FHIP2A: variants seen among roughly 807,000 people sequenced by gnomAD.
FHIP2A encodes FHF complex subunit HOOK interacting protein 2A, also known as family with sequence similarity 160 member B1.
Under a neutral mutation model 93.5 loss-of-function variants are expected in FHIP2A, and 46 were observed. The observed-to-expected ratio is 0.49, with a 90% CI of 0.39 to 0.63. The LOEUF is 0.63. FHIP2A is among the 20% of genes least tolerant of loss of function. The pLI is 0.00. For synonymous variants in FHIP2A, 332 were observed against 326.5 expected (o/e 1.02, Z -0.18); for missense variants, 769 against 909.7 (o/e 0.85, Z 1.99).
At chr10:114,828,857 T>C (rs2143009695) in intron 1 of FHIP2A, among the ~76,000 whole-genome samples, 1 of 152,340 alleles carries the variant, frequency 6.6e-6, no homozygotes, top group Non-Finnish European at 1.5e-5. Context: ...CAGTACGATT[T>C]ACAGTGGAAG....
At position 114,843,179 on chromosome 10, in the gene FHIP2A, C is replaced by G. The variant is rs551638325; in HGVS notation, c.769C>G (p.Gln257Glu). Residue 257 changes from glutamine to glutamate, a missense_variant, in exon 6 of 17, where the codon CAG (glutamine) becomes GAG (glutamate). Transcript: ENST00000369248. ...AGAGGCCTCGGTTGTTTGTCCAAATCAGGATTACAATTTAGTGAATTCTTT... is the reference window on the plus strand; with the variant it reads ...AGAGGCCTCGGTTGTTTGTCCAAATGAGGATTACAATTTAGTGAATTCTTT... ...LPEASVVCPN[Q>E]DYNLVNSLLN... 5.0e-6 allele frequency: 8 copies of G among 1,613,994 alleles called. No homozygotes were observed. The South Asian group carries it at 8.8e-5, about 18-fold the overall frequency.
At chr10:114,824,327 G>A (rs866820122) in intron 1 of FHIP2A, among the ~76,000 whole-genome samples, 2 of 152,010 alleles carry the variant, frequency 1.3e-5, no homozygotes, top group South Asian at 2.1e-4. Flanking sequence ...TCTTGTCCTC[G>A]TTATCTTTTT....
rs1279492862 is a variant in FHIP2A at position 114,845,252 on chromosome 10, G to A, written c.1014-115G>A. The A allele has an allele frequency of 2.0e-5, 11 of 557,422 alleles. No individual in the cohort carries two copies. In the South Asian group the frequency reaches 3.3e-4, roughly 17 times the overall value. 34.5% of individuals were successfully genotyped at this position (557,422 alleles called of 1,614,324 possible). On this transcript the variant is annotated intron_variant, in intron 7 of 16. Transcript: ENST00000369248. ...CTCACTGTCCTCCAGCATTTCCTGTGTGAATGTACCATACTATCTGAGTGT... is the reference window on the plus strand; with the variant it reads ...CTCACTGTCCTCCAGCATTTCCTGTATGAATGTACCATACTATCTGAGTGT...
intron 1 of FHIP2A, among the ~76,000 whole-genome samples, chr10:114,824,132 AC>A (rs2083559738): frequency 6.6e-6 from 1 of 152,198 alleles, no homozygotes; most frequent in African/African-American, 2.4e-5. Context: ...TATAACAGGG[AC>A]TTGAACATCC....
chr10:114,835,639 C>G lies in FHIP2A; in HGVS notation c.397C>G (p.Gln133Glu). ...ACACATTAACGTGCACAGGCCAGTG[C>G]AGGTATTTTGTTCCCCCTACATAAA... ...LPHINVHRPV[Q>E]KLIRLCGEVL... The change falls in exon 4 of 17, where the codon CAG becomes GAG. Residue 133 changes from glutamine (Q) to glutamate (E), a missense_variant and splice_region_variant. Transcript: ENST00000369248. 1 of 1,549,210 alleles carries G rather than the reference C, an allele frequency of 6.5e-7. No individual in the cohort carries two copies. The highest frequency in any genetic ancestry group is 1.2e-5 in the South Asian group (1 of 81,200).
rs1486957084 is a variant in FHIP2A at position 114,864,255 on chromosome 10, C to T, written c.*2715C>T. 1.0e-6 allele frequency: 1 copy of T among 981,452 alleles called. No homozygotes were observed. Among genetic ancestry groups the T allele is most frequent in the Non-Finnish European group, 1.2e-6 (1 of 826,078 alleles). 60.8% of individuals were successfully genotyped at this position (981,452 alleles called of 1,614,324 possible). On this transcript the variant is annotated 3_prime_UTR_variant, in exon 17 of 17. Coordinates refer to ENST00000369248, the MANE Select transcript of FHIP2A (RefSeq NM_020940.4). ...ATGGTAATGTTTTCATAAATTATTG[C>T]ATTAACATACAATTGCCATTTAATT...
chr10:114,830,950 T>C lies in FHIP2A; in HGVS notation c.124+20T>C, dbSNP rs1293534002. 4 of 1,427,462 alleles carry C rather than the reference T, an allele frequency of 2.8e-6. No individual in the cohort carries two copies. Among genetic ancestry groups the C allele is most frequent in the Non-Finnish European group, 3.8e-6 (4 of 1,054,828 alleles). 88.4% of individuals were successfully genotyped at this position (1,427,462 alleles called of 1,614,324 possible). On this transcript the variant is annotated intron_variant, in intron 2 of 16. Coordinates refer to ENST00000369248, the MANE Select transcript of FHIP2A (RefSeq NM_020940.4). ...CTTCAGGTAAGGAACAATGCTGATA[T>C]TAACTGAAAATTTGTGAAAGTTAAA... is the stretch of plus-strand genomic sequence containing the variant.
chr10:114,847,322 T>C (rs1180687011), intron 12 of FHIP2A, 89 bp downstream of exon 12: 1 of 1,241,784 alleles, frequency 8.1e-7, no homozygotes, highest in African/African-American at 1.5e-5. Context: ...GGAGTCTTGC[T>C]CTGTTGCCCA....
At chr10:114,891,474 T>A (rs2083973508) in intron 16 of FHIP2A, among the ~76,000 whole-genome samples, 1 of 150,818 alleles carries the variant, frequency 6.6e-6, no homozygotes, top group Non-Finnish European at 1.5e-5. Context: ...TTTAAAACAC[T>A]AAATCAAATT....
At chr10:114,870,818 A>G (rs1054033233) in intron 16 of FHIP2A, among the ~76,000 whole-genome samples, 3 of 152,144 alleles carry the variant, frequency 2.0e-5, no homozygotes, top group Admixed American at 6.5e-5. Flanking sequence ...CCACTCCTCT[A>G]TGTACTGCTT....
chr10:114,826,851 A>G (rs1416170276), intron 1 of FHIP2A, among the ~76,000 whole-genome samples: 1 of 152,208 alleles, frequency 6.6e-6, no homozygotes, highest in Non-Finnish European at 1.5e-5. Flanking sequence ...AAAATTAGCC[A>G]GATGCGGTAG....
chr10:114,861,505 G>T lies in FHIP2A; in HGVS notation c.2263G>T (p.Ala755Ser), dbSNP rs138422469. Residue 755 changes from alanine to serine, a missense_variant, in exon 17 of 17, where the codon GCA (alanine) becomes TCA (serine). Ala to Ser is a moderately conservative substitution (Grantham distance 99). Transcript: ENST00000369248. ...GTTCTGTAAGGAGCTGGCGGCAATC[G>T]CATTTGTAAAATATCATGCTTCCTC... is the stretch of plus-strand genomic sequence containing the variant. Reference protein sequence around the residue: ...EEFCKELAAIAFVKYHASSTP With the variant: ...EEFCKELAAISFVKYHASSTP The T allele has an allele frequency of 4.1e-5, 66 of 1,613,762 alleles. No homozygotes were observed. Among genetic ancestry groups the T allele is most frequent in the Non-Finnish European group, 5.5e-5 (65 of 1,179,986 alleles).
At chr10:114,885,237 A>G (rs1339755070) in intron 16 of FHIP2A, among the ~76,000 whole-genome samples, 1 of 152,034 alleles carries the variant, frequency 6.6e-6, no homozygotes, top group Non-Finnish European at 1.5e-5. Flanking sequence ...TCTACTAAAA[A>G]TACAAAAATT....
chr10:114,893,268 A>T (rs1200211784), intron 16 of FHIP2A, among the ~76,000 whole-genome samples: 4 of 152,222 alleles, frequency 2.6e-5, no homozygotes, highest in Non-Finnish European at 4.4e-5. Flanking sequence ...AGAATTTTTT[A>T]AAATCGCATA....
intron 16 of FHIP2A, among the ~76,000 whole-genome samples, chr10:114,891,412 A>T (rs929325700): frequency 5.3e-5 from 8 of 151,826 alleles, no homozygotes; most frequent in Non-Finnish European, 1.2e-4. Context: ...ATAGTATTAT[A>T]TACAGTATAT....
At chr10:114,843,694 A>T in intron 6 of FHIP2A, 47 bp from the exon 7 acceptor site, 2 of 1,317,170 alleles carry the variant, frequency 1.5e-6, no homozygotes, top group Non-Finnish European at 2.0e-6. Context: ...AAACAACCTG[A>T]TGTATATACA....
At chr10:114,852,320 T>C (rs1378596787) in intron 13 of FHIP2A, among the ~76,000 whole-genome samples, 4 of 152,188 alleles carry the variant, frequency 2.6e-5, no homozygotes, top group Admixed American at 2.6e-4. Context: ...TCCCCAAAGC[T>C]CTAGCCTCAG....
chr10:114,863,673 T>C lies in FHIP2A; in HGVS notation c.*2133T>C. On this transcript the variant is annotated 3_prime_UTR_variant, in exon 17 of 17. Coordinates refer to ENST00000369248, the MANE Select transcript of FHIP2A (RefSeq NM_020940.4). ...GTTCAGACCTAGAGCCAGTAGAAGC[T>C]CTCACAGTGAGTTCAATTTGTTAGT... 2 of 1,302,336 alleles carry C rather than the reference T, an allele frequency of 1.5e-6. No individual in the cohort carries two copies. Among genetic ancestry groups the C allele is most frequent in the Non-Finnish European group, 2.0e-6 (2 of 988,372 alleles). The allele number at this position is 1,302,336 out of a possible 1,614,324, so 80.7% of individuals were successfully genotyped here. A position where few individuals can be genotyped will look rare whatever the true frequency, so the allele number is the denominator to read the frequency against.
At chr10:114,852,714 G>A (rs2083744205) in intron 13 of FHIP2A, among the ~76,000 whole-genome samples, 1 of 152,130 alleles carries the variant, frequency 6.6e-6, no homozygotes, top group African/African-American at 2.4e-5. Flanking sequence ...TCTCATTGAA[G>A]TGTGGATCTG....
Sources: gnomAD v4.1 joint callset for allele counts (sites outside exome capture counted in the v4.1 genomes callset) on GRCh38, gnomAD v4.1.1 for gene constraint, MANE v1.5 for transcripts, NCBI Gene and HGNC (gene_info 2026-07-23, HGNC 2026-07-21) for gene names.